VEGFD: variants seen among roughly 807,000 people sequenced by gnomAD.
The protein encoded by VEGFD is vascular endothelial growth factor D.
In VEGFD, 26 loss-of-function variants were observed where a neutral mutation model predicts 28.0. That is an observed-to-expected ratio of 0.93 (90% CI 0.68 to 1.29). The LOEUF is 1.29. Ranked by LOEUF, VEGFD falls within the 50% of genes most tolerant of loss-of-function variation. The pLI, the probability that VEGFD is intolerant of heterozygous loss-of-function variation, is 0.00. For missense variants in VEGFD, 294 were observed against 273.4 expected, an observed-to-expected ratio of 1.08 and a Z score of -0.53; for synonymous variants, 93 against 95.5, an observed-to-expected ratio of 0.97 and a Z score of 0.15.
chrX:15,379,971 C>T (rs1446854119), intron 1 of VEGFD, among the ~76,000 whole-genome samples: 2 of 111,820 alleles, frequency 1.8e-5, no homozygotes, highest in Non-Finnish European at 3.8e-5. Context: ...TCCTGGGTAC[C>T]AATAATACGC....
chrX:15,358,243 G>C, intron 2 of VEGFD, 50 bp from the exon 3 acceptor site: 7 of 1,064,178 alleles, frequency 6.6e-6, no homozygotes, highest in African/African-American at 1.8e-5. Context: ...AATGGTCCTG[G>C]TGTGCCAACA....
Position 15,384,292 on chromosome X carries a change from T to C in VEGFD, c.-346A>G, listed in dbSNP as rs987964546. ...TCTCTCCAATGTATGCCGCAGGTTC[T>C]AGTTGCTTTGTAAGGAGGTGGTGTG... On this transcript the variant is annotated 5_prime_UTR_variant, in exon 1 of 7. Transcript: ENST00000297904. The C allele has an allele frequency of 2.0e-5, 3 of 152,334 alleles. No individual in the cohort carries two copies. Among genetic ancestry groups the C allele is most frequent in the African/African-American group, 6.3e-5 (2 of 31,870 alleles). 12.6% of individuals were successfully genotyped at this position (152,334 alleles called of 1,213,427 possible).
chrX:15,379,926 T>C (rs1207459480), intron 1 of VEGFD, among the ~76,000 whole-genome samples: 1 of 112,251 alleles, frequency 8.9e-6, no homozygotes, highest in Non-Finnish European at 1.9e-5. Context: ...GGAAGTACTA[T>C]ATTGAAGATG....
intron 4 of VEGFD, 77 bp downstream of exon 4, chrX:15,355,072 GA>G: frequency 1.1e-6 from 1 of 917,719 alleles, no homozygotes; most frequent in Non-Finnish European, 1.5e-6. Context: ...CTACATTAAT[GA>G]AAAATCCTCT....
chrX:15,363,336 T>C lies in VEGFD; in HGVS notation c.91-17A>G, dbSNP rs1244942858. On this transcript the variant is annotated splice_polypyrimidine_tract_variant and intron_variant, in intron 1 of 6. Transcript: ENST00000297904. Reference sequence around the variant, plus strand: ...AGATGATCGCTTAAAAAAACAAAAATACCAGTTTAAAAACAAGTTACTAAA... The same window carrying C: ...AGATGATCGCTTAAAAAAACAAAAACACCAGTTTAAAAACAAGTTACTAAA... 1 of 1,169,647 alleles carries C rather than the reference T, an allele frequency of 8.5e-7. No homozygotes were observed.
At chrX:15,352,904 A>C (rs898911416) in intron 5 of VEGFD, among the ~76,000 whole-genome samples, 164 bp downstream of exon 5, 4 of 112,745 alleles carry the variant, frequency 3.5e-5, no homozygotes, top group Admixed American at 9.4e-5. Flanking sequence ...TTGTAAAAAA[A>C]GAAATAACAA....
chrX:15,360,303 A>G (rs773552348), intron 2 of VEGFD, among the ~76,000 whole-genome samples: 1 of 98,995 alleles, frequency 1.0e-5, no homozygotes, highest in Non-Finnish European at 2.1e-5. Flanking sequence ...GTTTTTTTTT[A>G]TTTTTTTCCT....
In VEGFD at chrX:15,346,324, G is replaced by T. The variant is rs191431785; in HGVS notation, c.939-65C>A. ...TGACTGGATTCAAAAGAATAACTCT[G>T]CTCTGATTTGATTAAGTTTTCCAGA... On this transcript the variant is annotated intron_variant, in intron 6 of 6. Coordinates refer to ENST00000297904, the MANE Select transcript of VEGFD (RefSeq NM_004469.5). 919 of 1,105,740 alleles carry T rather than the reference G, an allele frequency of 8.3e-4. 5 individuals are homozygous for T. The African/African-American group carries it at 0.015, about 18-fold the overall frequency. 91.1% of individuals were successfully genotyped at this position (1,105,740 alleles called of 1,213,427 possible).
chrX:15,359,608 T>C (rs899764258), intron 2 of VEGFD, among the ~76,000 whole-genome samples: 1 of 110,148 alleles, frequency 9.1e-6, no homozygotes, highest in African/African-American at 3.3e-5. Flanking sequence ...TGTGTTCTCA[T>C]TGTTCAACTC....
At chrX:15,370,832 G>A (rs1405530898) in intron 1 of VEGFD, among the ~76,000 whole-genome samples, 1 of 109,553 alleles carries the variant, frequency 9.1e-6, no homozygotes, top group Non-Finnish European at 1.9e-5. Context: ...AACTTTATTG[G>A]TGGTACATGA....
At chrX:15,365,717 C>A (rs1040220338) in intron 1 of VEGFD, among the ~76,000 whole-genome samples, 2 of 111,618 alleles carry the variant, frequency 1.8e-5, no homozygotes, top group African/African-American at 3.3e-5. Context: ...AATATTGCCT[C>A]TACTCTCTTT....
intron 1 of VEGFD, among the ~76,000 whole-genome samples, chrX:15,367,438 G>A (rs1923174316): frequency 8.9e-6 from 1 of 111,879 alleles, no homozygotes; most frequent in Non-Finnish European, 1.9e-5. Flanking sequence ...GAAATTCAAT[G>A]CTTCTCCATT....
At chrX:15,379,357 T>C (rs1325648504) in intron 1 of VEGFD, among the ~76,000 whole-genome samples, 1 of 111,707 alleles carries the variant, frequency 9.0e-6, no homozygotes, top group African/African-American at 3.3e-5. Flanking sequence ...AATAAATGAA[T>C]GAATTGTCAA....
At chrX:15,383,130 A>G (rs760783926) in intron 1 of VEGFD, among the ~76,000 whole-genome samples, 71 of 112,172 alleles carry the variant, frequency 6.3e-4, no homozygotes, top group African/African-American at 1.9e-3. Flanking sequence ...CACTTCAGTC[A>G]AAACAATTAC....
intron 2 of VEGFD, among the ~76,000 whole-genome samples, chrX:15,361,649 A>C (rs146823030): frequency 0.016 from 1,756 of 111,992 alleles, 25 homozygotes; most frequent in Middle Eastern, 0.041. Flanking sequence ...ATTATGCTAT[A>C]TATATAGTCA....
intron 4 of VEGFD, among the ~76,000 whole-genome samples, chrX:15,353,605 C>T (rs1338813269): frequency 7.2e-5 from 8 of 110,964 alleles, no homozygotes; most frequent in South Asian, 3.8e-4. Flanking sequence ...CCGGGCGTGG[C>T]GGCACATGCC....
chrX:15,361,222 T>C (rs1426368943), intron 2 of VEGFD, among the ~76,000 whole-genome samples: 2 of 112,526 alleles, frequency 1.8e-5, no homozygotes, highest in African/African-American at 6.5e-5. Context: ...CTTGGTTTTA[T>C]GGTAACGTTC....
chrX:15,358,969 TG>T (rs898022905), intron 2 of VEGFD, among the ~76,000 whole-genome samples: 11 of 111,951 alleles, frequency 9.8e-5, no homozygotes, highest in Non-Finnish European at 1.7e-4. Flanking sequence ...TTTCTACAGG[TG>T]TTTTGGGGGA....
At chrX:15,365,066 A>T (rs183519670) in intron 1 of VEGFD, among the ~76,000 whole-genome samples, 151 of 112,550 alleles carry the variant, frequency 1.3e-3, no homozygotes, top group African/African-American at 4.7e-3. Flanking sequence ...TGTACATCAT[A>T]TATACATACT....
Sources: gnomAD v4.1 joint callset for allele counts (sites outside exome capture counted in the v4.1 genomes callset) on GRCh38, gnomAD v4.1.1 for gene constraint, MANE v1.5 for transcripts, NCBI Gene and HGNC (gene_info 2026-07-23, HGNC 2026-07-21) for gene names.